The following SLC25A29 variants were observed in gnomAD, a reference collection of about 807,000 sequenced individuals.
SLC25A29 encodes solute carrier family 25 member 29, also known as mitochondrial basic amino acids transporter.
In SLC25A29, 13 loss-of-function variants were observed where a neutral mutation model predicts 10.0. That is an observed-to-expected ratio of 1.30 (90% CI 0.85 to 2.07). The LOEUF (loss-of-function observed/expected upper bound fraction) is 2.07. Among genes scored for constraint, SLC25A29 ranks in the 30% most tolerant of loss-of-function variants. The pLI is 0.00. For synonymous variants in SLC25A29, 244 were observed against 221.1 expected (o/e 1.10, Z -0.92); for missense variants, 475 against 447.6 (o/e 1.06, Z -0.55).
At chr14:100,284,395 CG>C in the SLC25A29 span, among the ~76,000 whole-genome samples, 40 of 152,282 alleles carry the variant, frequency 2.6e-4, 1 homozygote, top group South Asian at 7.7e-3. Flanking sequence ...CCATTGTGAC[CG>C]TTCCCCTCGG....
At chr14:100,288,054 A>C (rs1322014626), downstream of SLC25A29, among the ~76,000 whole-genome samples, 1 of 152,118 alleles carries the variant, frequency 6.6e-6, no homozygotes, top group Admixed American at 6.5e-5. Context: ...CAGCTTTCTC[A>C]GAAGCTGTCA....
rs2139789939 is a variant in SLC25A29 at position 100,302,639 on chromosome 14, G to A, written c.34+3560C>T. ...CGAAGTGCTGGGATTACAGGTGTAA[G>A]CCACTGAGCCCGGCTCAAAATCTAT... On this transcript the variant is annotated intron_variant, in intron 1 of 3. Coordinates refer to ENST00000359232, the MANE Select transcript of SLC25A29 (RefSeq NM_001039355.3). 1.3e-5 allele frequency among the ~76,000 whole-genome samples: 2 copies of A among 152,310 alleles called. 1 individual carries two copies.
At chr14:100,282,571 ATG>A in the SLC25A29 span, 2 of 152,144 alleles carry the variant, frequency 1.3e-5, no homozygotes, top group African/African-American at 4.8e-5. Flanking sequence ...ATTTCGTCTC[ATG>A]TACATCTTTT....
At position 100,292,240 on chromosome 14, in the gene SLC25A29, G is replaced by C; in HGVS notation, c.*43C>G. ...GACTCAGGGGCCAATTTATGTCCCA[G>C]GTTTCTGAGAAGGAGCCCTGGGGAA... On this transcript the variant is annotated 3_prime_UTR_variant, in exon 4 of 4. Transcript: ENST00000359232. 1 of 1,529,002 alleles carries C rather than the reference G, an allele frequency of 6.5e-7. No homozygotes were observed. The highest frequency in any genetic ancestry group is 8.8e-7 in the Non-Finnish European group (1 of 1,139,722). The allele number at this position is 1,529,002 out of a possible 1,614,324, so 94.7% of individuals were successfully genotyped here. A position where few individuals can be genotyped will look rare whatever the true frequency, so the allele number is the denominator to read the frequency against.
At chr14:100,279,807 G>A in the SLC25A29 span, 1 of 152,316 alleles carries the variant, frequency 6.6e-6, no homozygotes, top group Non-Finnish European at 1.5e-5. Context: ...CTGTCCTCAG[G>A]ACCCTGCCCA....
chr14:100,298,074 CAG>C (rs1477565776), intron 2 of SLC25A29: 1 of 153,030 alleles, frequency 6.5e-6, no homozygotes, highest in Non-Finnish European at 1.5e-5. Flanking sequence ...AAACCCAGCT[CAG>C]GGTGCGCATC....
chr14:100,292,057 G>C lies in SLC25A29; in HGVS notation c.*226C>G, dbSNP rs112782368. The C allele has an allele frequency of 3.8e-3, 2,116 of 555,478 alleles. 30 individuals are homozygous for C. In the African/African-American group the frequency reaches 0.038, roughly 10 times the overall value. The allele number at this position is 555,478 out of a possible 1,614,324, so 34.4% of individuals were successfully genotyped here. The stretch of plus-strand genomic sequence containing the variant: ...CTGCTGGGAATAATCTCTGAGCTTC[G>C]TGACTCTACAGTGTGGGCATGAGGG... On this transcript the variant is annotated 3_prime_UTR_variant, in exon 4 of 4. Coordinates refer to ENST00000359232, the MANE Select transcript of SLC25A29 (RefSeq NM_001039355.3).
At chr14:100,300,674 A>G (rs916471061) in intron 1 of SLC25A29, among the ~76,000 whole-genome samples, 8 of 151,752 alleles carry the variant, frequency 5.3e-5, no homozygotes, top group African/African-American at 1.9e-4. Context: ...CACTGTGCCC[A>G]ATGTGTAGTT....
In SLC25A29 at chr14:100,293,384, G is replaced by T; in HGVS notation, c.79-7C>A. ...TCTGGACCTGAAGCCGTACCTGGAA[G>T]GAGAGGGTCCAGTGAGAGGCAGGCA... is the stretch of plus-strand genomic sequence containing the variant. On this transcript the variant is annotated splice_polypyrimidine_tract_variant and splice_region_variant and intron_variant, in intron 2 of 3. Transcript: ENST00000359232. The T allele has an allele frequency of 6.2e-7, 1 of 1,612,402 alleles. No individual in the cohort carries two copies. Among genetic ancestry groups the T allele is most frequent in the Non-Finnish European group, 8.5e-7 (1 of 1,179,644 alleles).
intron 2 of SLC25A29, chr14:100,293,827 G>A (rs1819199074): frequency 6.2e-6 from 1 of 160,834 alleles, no homozygotes; most frequent in Admixed American, 6.3e-5. Flanking sequence ...GGCGCAAAAA[G>A]TGATGAGCCT....
intron 2 of SLC25A29, chr14:100,295,743 A>G: frequency 7.8e-7 from 1 of 1,289,450 alleles, no homozygotes; most frequent in Non-Finnish European, 1.0e-6. Context: ...AAATTTCAAC[A>G]TCACATCCAG....
rs768752792 is a variant in SLC25A29 at position 100,292,125 on chromosome 14, C to G, written c.*158G>C. 1.1e-6 allele frequency: 1 copy of G among 922,428 alleles called. No homozygotes were observed. Among genetic ancestry groups the G allele is most frequent in the South Asian group, 1.4e-5 (1 of 70,270 alleles). 57.1% of individuals were successfully genotyped at this position (922,428 alleles called of 1,614,324 possible). A position where few individuals can be genotyped will look rare whatever the true frequency, so the allele number is the denominator to read the frequency against. ...AGAACACTGAGGCAAGTGCAGTTCT[C>G]GGCCAAAACTACCCAGCTGATCAGC... On this transcript the variant is annotated 3_prime_UTR_variant, in exon 4 of 4. Coordinates refer to ENST00000359232, the MANE Select transcript of SLC25A29 (RefSeq NM_001039355.3).
chr14:100,293,240 GA>G, intron 3 of SLC25A29, 53 bp downstream of exon 3: 1 of 1,587,396 alleles, frequency 6.3e-7, no homozygotes, highest in South Asian at 1.1e-5. Context: ...TGGCAGCCCG[GA>G]AGCTAGTTCC....
chr14:100,290,747 C>G (rs1002661856), downstream of SLC25A29, among the ~76,000 whole-genome samples: 1 of 152,196 alleles, frequency 6.6e-6, no homozygotes. Context: ...GCCCGGGTGG[C>G]TGAAATGGTC....
downstream of SLC25A29, among the ~76,000 whole-genome samples, chr14:100,287,051 T>G (rs1891558068): frequency 6.6e-6 from 1 of 152,184 alleles, no homozygotes; most frequent in Admixed American, 6.5e-5. Context: ...ATCCCTACAG[T>G]CACAAGAACC....
intron 1 of SLC25A29, among the ~76,000 whole-genome samples, chr14:100,302,050 CTTT>C (rs34185759): frequency 6.8e-6 from 1 of 146,028 alleles, no homozygotes; most frequent in African/African-American, 2.5e-5. Flanking sequence ...TAGAGCCTTT[CTTT>C]TTTTTTTTTT....
At chr14:100,285,590 C>A in the SLC25A29 span, among the ~76,000 whole-genome samples, 1 of 152,046 alleles carries the variant, frequency 6.6e-6, no homozygotes, top group South Asian at 2.1e-4. Flanking sequence ...TTACGAGCGT[C>A]CCCCGCGCGG....
the SLC25A29 span, among the ~76,000 whole-genome samples, chr14:100,285,237 GGCAGCCCTGCCCGCCCCCA>G: frequency 1.3e-5 from 2 of 151,890 alleles, no homozygotes; most frequent in African/African-American, 4.8e-5. Context: ...ACTTAGCGCG[GGCAGCCCTGCCCGCCCCCA>G]GACCCTTCTG....
chr14:100,287,617 A>C (rs1163272258), downstream of SLC25A29, among the ~76,000 whole-genome samples: 108 of 119,644 alleles, frequency 9.0e-4, no homozygotes, highest in East Asian at 1.3e-3. Context: ...CCCACCTGCC[A>C]CTGGAGCACC....
Sources: allele counts gnomAD v4.1 joint callset (sites outside exome capture counted in the v4.1 genomes callset), GRCh38; gene constraint gnomAD v4.1.1; transcripts MANE v1.5; gene names NCBI Gene and HGNC (gene_info 2026-07-23, HGNC 2026-07-21).